NOTCH2NLA: variants seen among roughly 807,000 people sequenced by gnomAD.
The protein encoded by NOTCH2NLA is notch homolog 2 N-terminal-like protein A.
At chr1:146,210,688 A>G (rs1663782838) in intron 1 of NOTCH2NLA, 1 of 96,378 alleles carries the variant, frequency 1.0e-5, no homozygotes, top group Non-Finnish European at 2.0e-5. Context: ...TTAATTTGAA[A>G]TTTAAAATAT....
At chr1:146,162,377 AG>A (rs1661553903) in intron 3 of NOTCH2NLA, among the ~76,000 whole-genome samples, 1 of 150,318 alleles carries the variant, frequency 6.7e-6, no homozygotes, top group African/African-American at 2.5e-5. Context: ...CAAGTTGACA[AG>A]GGGTAGATTT....
intron 3 of NOTCH2NLA, among the ~76,000 whole-genome samples, chr1:146,159,449 G>GAAAGAA (rs1661374723): frequency 7.5e-6 from 1 of 133,106 alleles, no homozygotes; most frequent in African/African-American, 2.7e-5. Context: ...GAAAGAAAGA[G>GAAAGAA]AAAGAAAGAA....
intron 2 of NOTCH2NLA, among the ~76,000 whole-genome samples, chr1:146,171,358 A>G (rs1423026188): frequency 2.9e-5 from 4 of 140,076 alleles, no homozygotes; most frequent in African/African-American, 9.8e-5. Flanking sequence ...ATGAACCCAG[A>G]AGTTGGAGGT....
intron 1 of NOTCH2NLA, among the ~76,000 whole-genome samples, chr1:146,219,259 T>C: frequency 3.8e-5 from 2 of 52,254 alleles, no homozygotes; most frequent in Middle Eastern, 6.3e-3. Flanking sequence ...TTATTAAGTA[T>C]TAAAGTAAAT....
chr1:146,172,485 A>G (rs1662037342), intron 2 of NOTCH2NLA, among the ~76,000 whole-genome samples: 1 of 151,306 alleles, frequency 6.6e-6, no homozygotes, highest in African/African-American at 2.4e-5. Context: ...AGTAATCCAT[A>G]ACTCGAACAC....
intron 2 of NOTCH2NLA, among the ~76,000 whole-genome samples, chr1:146,186,289 C>T (rs1243607890): frequency 3.0e-5 from 4 of 133,428 alleles, no homozygotes; most frequent in Non-Finnish European, 5.2e-5. Flanking sequence ...AGAACTGTAT[C>T]CATAAGCATT....
intron 1 of NOTCH2NLA, among the ~76,000 whole-genome samples, chr1:146,224,044 A>G (rs201409377): frequency 3.3e-5 from 4 of 119,542 alleles, no homozygotes; most frequent in East Asian, 4.5e-4. Flanking sequence ...ATTCTCTCAA[A>G]TATTTATTCA....
At chr1:146,159,055 A>G (rs1358678462) in intron 3 of NOTCH2NLA, among the ~76,000 whole-genome samples, 2 of 151,968 alleles carry the variant, frequency 1.3e-5, no homozygotes, top group Admixed American at 6.6e-5. Context: ...GATGCCCACA[A>G]CTGAAACAGA....
rs2871952 is a variant in NOTCH2NLA at position 146,180,680 on chromosome 1, C to T, written c.38+8620G>A. Among the ~76,000 whole-genome samples, 7 of 143,278 alleles carry T rather than the reference C, an allele frequency of 4.9e-5. 1 individual carries two copies. The highest frequency in any genetic ancestry group is 1.9e-4 in the East Asian group (1 of 5,166). The allele number at this position is 143,278 out of a possible 152,430, so 94.0% of individuals were successfully genotyped here. A position where few individuals can be genotyped will look rare whatever the true frequency, so the allele number is the denominator to read the frequency against. ...TGCATAACACAGTCGCATGTGCACA[C>T]GTGTGCATACACACATATGACAGGA... On this transcript the variant is annotated intron_variant, in intron 2 of 4. Transcript: ENST00000362074.
chr1:146,159,079 C>T (rs587631345), intron 3 of NOTCH2NLA, among the ~76,000 whole-genome samples: 51 of 152,164 alleles, frequency 3.4e-4, no homozygotes, highest in Non-Finnish European at 5.3e-4. Flanking sequence ...ATCCCCGGGC[C>T]GGAAGTGGTG....
At chr1:146,219,622 G>T (rs1432545745) in intron 1 of NOTCH2NLA, among the ~76,000 whole-genome samples, 1 of 103,724 alleles carries the variant, frequency 9.6e-6, no homozygotes, top group Non-Finnish European at 1.8e-5. Context: ...CAATACAAAC[G>T]CCACTGATGA....
At chr1:146,159,393 G>GAGAAAGAAAGAA (rs201617510) in intron 3 of NOTCH2NLA, among the ~76,000 whole-genome samples, 4,341 of 110,802 alleles carry the variant, frequency 0.039, 67 homozygotes, top group South Asian at 0.045. Flanking sequence ...GAGAAAGAGA[G>GAGAAAGAAAGAA]AGAAAGAAAG....
rs1242983133 is a variant in NOTCH2NLA at position 146,185,747 on chromosome 1, C to T, written c.38+3553G>A. Among the ~76,000 whole-genome samples, 5 of 131,766 alleles carry T rather than the reference C, an allele frequency of 3.8e-5. 1 individual carries two copies. The highest frequency in any genetic ancestry group is 2.4e-4 in the South Asian group (1 of 4,106). 86.4% of individuals were successfully genotyped at this position (131,766 alleles called of 152,430 possible). A position where few individuals can be genotyped will look rare whatever the true frequency, so the allele number is the denominator to read the frequency against. ...TCCCACCACTCACCACTCACCCCCA[C>T]GCTGGCCCTGTAAAAGGAATTTGGC... is the stretch of plus-strand genomic sequence containing the variant. On this transcript the variant is annotated intron_variant, in intron 2 of 4. Transcript: ENST00000362074.
chr1:146,203,909 T>C (rs1265387937), intron 1 of NOTCH2NLA, among the ~76,000 whole-genome samples: 2 of 149,444 alleles, frequency 1.3e-5, no homozygotes, highest in Non-Finnish European at 3.0e-5. Flanking sequence ...TAAAGAACTA[T>C]AGAAAATAAT....
At chr1:146,220,027 A>T (rs3851880) in intron 1 of NOTCH2NLA, among the ~76,000 whole-genome samples, 9 of 39,598 alleles carry the variant, frequency 2.3e-4, no homozygotes, top group East Asian at 4.5e-4. Flanking sequence ...TCAGCAAAGT[A>T]TAAATATGAG....
At chr1:146,159,966 CAAA>C (rs782308523) in intron 3 of NOTCH2NLA, among the ~76,000 whole-genome samples, 3 of 7,438 alleles carry the variant, frequency 4.0e-4, no homozygotes, top group African/African-American at 6.7e-4. Flanking sequence ...TACTCCATCT[CAAA>C]AAAAAAAAAA....
intron 1 of NOTCH2NLA, among the ~76,000 whole-genome samples, chr1:146,206,523 TG>T (rs1663595547): frequency 1.3e-5 from 2 of 148,164 alleles, no homozygotes; most frequent in African/African-American, 2.5e-5. Context: ...ACACGAGAAA[TG>T]TCACATCTTT....
intron 1 of NOTCH2NLA, chr1:146,228,485 C>CGGCGGGGAACCCGGGCGGTT (rs1664318916): frequency 1.8e-6 from 1 of 568,756 alleles, no homozygotes; most frequent in Non-Finnish European, 2.2e-6. Flanking sequence ...GGAGCAGAGG[C>CGGCGGGGAACCCGGGCGGTT]GGCGGGGAAC....
At chr1:146,185,871 A>C (rs1446848659) in intron 2 of NOTCH2NLA, among the ~76,000 whole-genome samples, 2 of 136,870 alleles carry the variant, frequency 1.5e-5, no homozygotes, top group African/African-American at 4.9e-5. Context: ...CTTCTGTTTT[A>C]ATATTTATTT....
Sources: allele counts gnomAD v4.1 joint callset (sites outside exome capture counted in the v4.1 genomes callset), GRCh38; gene constraint gnomAD v4.1.1; transcripts MANE v1.5; gene names NCBI Gene and HGNC (gene_info 2026-07-23, HGNC 2026-07-21).